Variants in KCNQ5 observed in about 807,000 individuals in gnomAD.
The protein encoded by KCNQ5 is potassium voltage-gated channel subfamily Q member 5, also known as potassium voltage-gated channel subfamily KQT member 5.
KCNQ5 carries 30 observed loss-of-function variants against 98.2 expected under a neutral mutation model. The observed-to-expected ratio is 0.31, with a 90% CI of 0.23 to 0.41. The LOEUF is 0.41. Ranked by LOEUF, KCNQ5 falls within the 10% of genes least tolerant of loss-of-function variation. KCNQ5 has a pLI of 1.00. For synonymous variants in KCNQ5, 458 were observed against 449.4 expected (o/e 1.02, Z -0.24); for missense variants, 835 against 1,182.5 (o/e 0.71, Z 4.31).
At chr6:72,998,192 G>A (rs1253365389) in intron 1 of KCNQ5, among the ~76,000 whole-genome samples, 2 of 152,170 alleles carry the variant, frequency 1.3e-5, no homozygotes, top group African/African-American at 2.4e-5. Context: ...GCCAGCCAGT[G>A]GGGTCAGCTA....
chr6:73,051,405 C>A lies in KCNQ5; in HGVS notation c.616+9343C>A, dbSNP rs192024760. 2.3e-4 allele frequency among the ~76,000 whole-genome samples: 35 copies of A among 152,332 alleles called. 1 individual carries two copies. In the East Asian group the frequency reaches 2.9e-3, roughly 13 times the overall value. ...CTCTTGGCACTGCTCTTGGCACTTA[C>A]AAATGAGCACAGATCCTGCTGCCAC... On this transcript the variant is annotated intron_variant, in intron 3 of 13. Coordinates refer to ENST00000370398, the MANE Select transcript of KCNQ5 (RefSeq NM_019842.4).
chr6:72,742,334 GC>G (rs1195054879), intron 1 of KCNQ5, among the ~76,000 whole-genome samples: 1 of 152,162 alleles, frequency 6.6e-6, no homozygotes, highest in Non-Finnish European at 1.5e-5. Context: ...TGTAATAGAT[GC>G]TTTTGTAATG....
At chr6:73,138,490 A>G (rs1174449014) in intron 10 of KCNQ5, among the ~76,000 whole-genome samples, 2 of 152,236 alleles carry the variant, frequency 1.3e-5, no homozygotes, top group African/African-American at 4.8e-5. Context: ...GCTCCACCTT[A>G]CAGTGCTTGA....
At chr6:72,986,682 T>G in intron 1 of KCNQ5, 1 of 1,030,564 alleles carries the variant, frequency 9.7e-7, no homozygotes. Flanking sequence ...CATTTGGAGT[T>G]CCTCTGTGGG....
intron 1 of KCNQ5, among the ~76,000 whole-genome samples, chr6:72,731,948 ATAATT>A (rs1337674383): frequency 2.6e-5 from 4 of 152,260 alleles, no homozygotes; most frequent in African/African-American, 7.2e-5. Context: ...ATGTTTTAGA[ATAATT>A]TAAGACAAAC....
At chr6:72,951,802 A>T (rs1562089428) in intron 1 of KCNQ5, among the ~76,000 whole-genome samples, 1 of 152,188 alleles carries the variant, frequency 6.6e-6, no homozygotes, top group Non-Finnish European at 1.5e-5. Flanking sequence ...AACAAGGGCA[A>T]AGTTTAACTC....
At chr6:72,689,640 A>C (rs1158851903) in intron 1 of KCNQ5, among the ~76,000 whole-genome samples, 1 of 152,242 alleles carries the variant, frequency 6.6e-6, no homozygotes, top group African/African-American at 2.4e-5. Flanking sequence ...TATACCCACA[A>C]AGTATTAGGC....
chr6:72,722,241 G>GC (rs1770007100), intron 1 of KCNQ5, among the ~76,000 whole-genome samples: 1 of 152,130 alleles, frequency 6.6e-6, no homozygotes, highest in Non-Finnish European at 1.5e-5. Context: ...ATAATACAAG[G>GC]CATACTGTCC....
intron 1 of KCNQ5, among the ~76,000 whole-genome samples, chr6:72,914,553 A>G (rs1380422354): frequency 2.7e-5 from 4 of 147,062 alleles, no homozygotes; most frequent in Non-Finnish European, 6.0e-5. Context: ...CTTCCCCCTG[A>G]CACATCTAGC....
At chr6:72,949,460 T>G (rs1428983263) in intron 1 of KCNQ5, among the ~76,000 whole-genome samples, 1 of 152,230 alleles carries the variant, frequency 6.6e-6, no homozygotes, top group East Asian at 1.9e-4. Flanking sequence ...CTCCCATTTC[T>G]TTAAAGTAGA....
chr6:72,755,568 A>T (rs62410661), intron 1 of KCNQ5, among the ~76,000 whole-genome samples: 19,627 of 152,062 alleles, frequency 0.13, 1,392 homozygotes, highest in South Asian at 0.17. Flanking sequence ...ATCACAGTCT[A>T]TCTTCAAGTA....
intron 1 of KCNQ5, among the ~76,000 whole-genome samples, chr6:72,809,797 C>T (rs1010619008): frequency 1.3e-5 from 2 of 152,164 alleles, no homozygotes; most frequent in Admixed American, 6.5e-5. Flanking sequence ...CCTTTACTTT[C>T]ACATTTTTCT....
intron 1 of KCNQ5, among the ~76,000 whole-genome samples, chr6:72,736,502 CTT>C (rs752921476): frequency 5.8e-5 from 7 of 120,970 alleles, no homozygotes; most frequent in African/African-American, 7.4e-5. Flanking sequence ...AAAAAGATTT[CTT>C]TTTTTTTTTT....
intron 10 of KCNQ5, among the ~76,000 whole-genome samples, chr6:73,145,445 CT>C (rs1360224190): frequency 6.6e-6 from 1 of 152,196 alleles, no homozygotes; most frequent in African/African-American, 2.4e-5. Context: ...TATAAACCAG[CT>C]GTATGTTAAC....
At chr6:73,001,088 T>C (rs1769546891) in intron 1 of KCNQ5, among the ~76,000 whole-genome samples, 1 of 152,232 alleles carries the variant, frequency 6.6e-6, no homozygotes, top group Non-Finnish European at 1.5e-5. Flanking sequence ...CTCCAGAAAT[T>C]TCTCTTGTTG....
At chr6:73,002,771 G>C (rs553229737) in intron 1 of KCNQ5, among the ~76,000 whole-genome samples, 10 of 152,168 alleles carry the variant, frequency 6.6e-5, no homozygotes, top group Admixed American at 3.3e-4. Context: ...GACTGTGACT[G>C]TGTGCTGATA....
chr6:73,029,012 T>C (rs530803824), intron 2 of KCNQ5, among the ~76,000 whole-genome samples: 4 of 152,176 alleles, frequency 2.6e-5, no homozygotes, highest in Admixed American at 6.5e-5. Context: ...CTGCTGTGGA[T>C]AGAGGCCGTC....
At chr6:72,938,645 G>A (rs779959897) in intron 1 of KCNQ5, among the ~76,000 whole-genome samples, 14 of 151,924 alleles carry the variant, frequency 9.2e-5, no homozygotes, top group African/African-American at 3.4e-4. Flanking sequence ...TTGGCCTCCC[G>A]AAGTGCTGGG....
intron 1 of KCNQ5, among the ~76,000 whole-genome samples, chr6:72,758,297 C>T (rs1448262401): frequency 2.0e-5 from 3 of 152,110 alleles, no homozygotes; most frequent in African/African-American, 7.2e-5. Flanking sequence ...TCCATTCTCC[C>T]TTCAATAATT....
Sources: gnomAD v4.1 joint callset for allele counts (sites outside exome capture counted in the v4.1 genomes callset) on GRCh38, gnomAD v4.1.1 for gene constraint, MANE v1.5 for transcripts, NCBI Gene and HGNC (gene_info 2026-07-23, HGNC 2026-07-21) for gene names.